TWSG1: variants seen among roughly 807,000 people sequenced by gnomAD.
The protein encoded by TWSG1 is twisted gastrulation BMP signaling modulator 1, also known as twisted gastrulation protein homolog 1.
A neutral mutation model predicts 23.0 loss-of-function variants in TWSG1; 15 were observed. That is an observed-to-expected ratio of 0.65 (90% CI 0.44 to 1.00). The LOEUF is 1.00. TWSG1 is among the 50% of genes least tolerant of loss of function. TWSG1 has a pLI of 0.00. For synonymous variants in TWSG1, 86 were observed against 92.8 expected, an observed-to-expected ratio of 0.93 and a Z score of 0.42; for missense variants, 242 against 278.7, an observed-to-expected ratio of 0.87 and a Z score of 0.94.
At chr18:9,395,137 C>T (rs2040729020) in intron 3 of TWSG1, among the ~76,000 whole-genome samples, 1 of 152,092 alleles carries the variant, frequency 6.6e-6, no homozygotes, top group Admixed American at 6.6e-5. Context: ...GAGTACAGAC[C>T]TTGATTATAC....
In TWSG1 at chr18:9,397,924, A is replaced by C. The variant is rs576849974; in HGVS notation, c.490+1378A>C. Among the ~76,000 whole-genome samples the C allele has an allele frequency of 1.2e-4, 18 of 145,520 alleles. No homozygotes were observed. In the East Asian group the frequency reaches 3.8e-3, roughly 31 times the overall value. Reference sequence around the variant, plus strand: ...GAGGCTGAAGCAGGAGAACTGCTTGAGCCTGGGAGGTGGAGGTTGCGGTGA... The same window carrying C: ...GAGGCTGAAGCAGGAGAACTGCTTGCGCCTGGGAGGTGGAGGTTGCGGTGA... On this transcript the variant is annotated intron_variant, in intron 4 of 4. Transcript: ENST00000262120.
intron 2 of TWSG1, among the ~76,000 whole-genome samples, chr18:9,356,353 TTC>T (rs1328192962): frequency 1.3e-5 from 2 of 152,200 alleles, no homozygotes; most frequent in Admixed American, 6.5e-5. Context: ...AGTTTTAACT[TTC>T]TGTTTGTTCG....
At chr18:9,371,572 G>A (rs796384466) in intron 3 of TWSG1, among the ~76,000 whole-genome samples, 10 of 152,180 alleles carry the variant, frequency 6.6e-5, no homozygotes, top group African/African-American at 2.4e-4. Context: ...TGGGATTACA[G>A]GCGTGAGCCA....
intron 2 of TWSG1, among the ~76,000 whole-genome samples, chr18:9,347,521 A>G (rs150403400): frequency 4.8e-4 from 73 of 152,064 alleles, no homozygotes; most frequent in Middle Eastern, 6.8e-3. Flanking sequence ...TCTTTCAACA[A>G]TATTTTGTAG....
At chr18:9,339,299 T>C (rs1052114971) in intron 2 of TWSG1, among the ~76,000 whole-genome samples, 7 of 152,174 alleles carry the variant, frequency 4.6e-5, no homozygotes, top group Non-Finnish European at 1.0e-4. Context: ...TAGATACTTG[T>C]AAAGGTTTTT....
chr18:9,365,389 A>C (rs936050928), intron 3 of TWSG1, among the ~76,000 whole-genome samples: 55 of 152,016 alleles, frequency 3.6e-4, no homozygotes, highest in Non-Finnish European at 4.4e-4. Flanking sequence ...TAGAAGAAAA[A>C]ATTGCCTGAG....
rs184640451 is a variant in TWSG1 at position 9,372,575 on chromosome 18, G to A, written c.223+12504G>A. 5.8e-3 allele frequency among the ~76,000 whole-genome samples: 860 copies of A among 148,478 alleles called. 2 individuals carry two copies. Among genetic ancestry groups the A allele is most frequent in the South Asian group, 0.018 (83 of 4,740 alleles). On this transcript the variant is annotated intron_variant, in intron 3 of 4. Transcript: ENST00000262120. Reference sequence around the variant, plus strand: ...TATATACATTATAATATATGCTTATGTTTGCTTATATATAAGTGAAATGAA... The same window carrying A: ...TATATACATTATAATATATGCTTATATTTGCTTATATATAAGTGAAATGAA...
intron 2 of TWSG1, among the ~76,000 whole-genome samples, chr18:9,358,593 A>AG (rs1196348128): frequency 6.6e-6 from 1 of 152,084 alleles, no homozygotes; most frequent in African/African-American, 2.4e-5. Context: ...TATTTGGAGG[A>AG]GGGGGGTCTT....
intron 2 of TWSG1, among the ~76,000 whole-genome samples, chr18:9,339,841 G>A (rs1207903183): frequency 6.6e-6 from 1 of 151,858 alleles, no homozygotes; most frequent in South Asian, 2.1e-4. Context: ...ACTTCAAAAT[G>A]TAAAGAGTAC....
intron 1 of TWSG1, among the ~76,000 whole-genome samples, chr18:9,336,811 A>T (rs953525576): frequency 6.6e-6 from 1 of 152,322 alleles, no homozygotes; most frequent in African/African-American, 2.4e-5. Context: ...GTAGAGTTCT[A>T]GGTCCTTGAA....
intron 3 of TWSG1, among the ~76,000 whole-genome samples, chr18:9,387,181 A>G (rs184109012): frequency 3.7e-4 from 57 of 152,352 alleles, no homozygotes; most frequent in Non-Finnish European, 4.3e-4. Flanking sequence ...GTTCAAGCAT[A>G]TCATTGAGAA....
chr18:9,352,150 C>T (rs147811699), intron 2 of TWSG1, among the ~76,000 whole-genome samples: 18 of 152,208 alleles, frequency 1.2e-4, no homozygotes, highest in South Asian at 4.2e-4. Flanking sequence ...TTTGCCTTTT[C>T]CAGAATGTTA....
At chr18:9,351,399 CTT>C (rs2040501292) in intron 2 of TWSG1, among the ~76,000 whole-genome samples, 1 of 151,752 alleles carries the variant, frequency 6.6e-6, no homozygotes, top group Non-Finnish European at 1.5e-5. Flanking sequence ...GTATATACAA[CTT>C]TTGTGTTTTA....
chr18:9,345,901 C>A (rs1052293214), intron 2 of TWSG1, among the ~76,000 whole-genome samples: 3 of 152,128 alleles, frequency 2.0e-5, no homozygotes, highest in Non-Finnish European at 2.9e-5. Flanking sequence ...CCATTCCCCC[C>A]ACATATCCCC....
intron 4 of TWSG1, among the ~76,000 whole-genome samples, chr18:9,399,049 T>C (rs890319672): frequency 6.6e-6 from 1 of 151,946 alleles, no homozygotes; most frequent in African/African-American, 2.4e-5. Context: ...CACAGCTGTA[T>C]AACATAGCAA....
In TWSG1 at chr18:9,338,796, A is replaced by C. The variant is rs180693841; in HGVS notation, c.123+1444A>C. 9.0e-4 allele frequency among the ~76,000 whole-genome samples: 137 copies of C among 152,282 alleles called. 1 individual carries two copies. The highest frequency in any genetic ancestry group is 3.2e-3 in the African/African-American group (135 of 41,568). On this transcript the variant is annotated intron_variant, in intron 2 of 4. Coordinates refer to ENST00000262120, the MANE Select transcript of TWSG1 (RefSeq NM_020648.6). ...GCTTCATTATTCATTATTCACAATA[A>C]AGTCTCATAACATTTGCTGTATTCA...
chr18:9,391,784 T>G (rs919642910), intron 3 of TWSG1, among the ~76,000 whole-genome samples: 1 of 152,218 alleles, frequency 6.6e-6, no homozygotes, highest in African/African-American at 2.4e-5. Flanking sequence ...GAAATGACTC[T>G]CTCAACCTTG....
At chr18:9,364,481 A>G (rs922345695) in intron 3 of TWSG1, among the ~76,000 whole-genome samples, 1 of 152,158 alleles carries the variant, frequency 6.6e-6, no homozygotes, top group Non-Finnish European at 1.5e-5. Context: ...CCATTGCCTG[A>G]GTCAGCTACT....
chr18:9,343,715 C>T (rs2040458807), intron 2 of TWSG1, among the ~76,000 whole-genome samples: 1 of 152,050 alleles, frequency 6.6e-6, no homozygotes, highest in Non-Finnish European at 1.5e-5. Flanking sequence ...TTTCATGGTT[C>T]CTGTGTGTTG....
Sources: gnomAD v4.1 joint callset for allele counts (sites outside exome capture counted in the v4.1 genomes callset) on GRCh38, gnomAD v4.1.1 for gene constraint, MANE v1.5 for transcripts, NCBI Gene and HGNC (gene_info 2026-07-23, HGNC 2026-07-21) for gene names.